DYM: variants seen among roughly 807,000 people sequenced by gnomAD.
DYM encodes the protein dyggve-Melchior-Clausen syndrome protein.
Under a neutral mutation model 93.1 loss-of-function variants are expected in DYM, and 78 were observed. That is an observed-to-expected ratio of 0.84 (90% CI 0.70 to 1.01). The LOEUF (loss-of-function observed/expected upper bound fraction) is 1.01, where lower values mean the gene tolerates loss of function less well. DYM is among the 50% of genes least tolerant of loss of function. DYM has a pLI of 0.00. For missense variants in DYM, 789 were observed against 845.0 expected (o/e 0.93, Z 0.82); for synonymous variants, 321 against 319.7 (o/e 1.00, Z -0.04).
chr18:49,047,865 G>A (rs971226411), intron 17 of DYM, among the ~76,000 whole-genome samples: 5 of 152,098 alleles, frequency 3.3e-5, no homozygotes, highest in South Asian at 2.1e-4. Context: ...CCACCGACCC[G>A]CGCTCCCCAT....
chr18:49,216,463 T>C (rs907915345), intron 13 of DYM, among the ~76,000 whole-genome samples: 1 of 152,204 alleles, frequency 6.6e-6, no homozygotes, highest in African/African-American at 2.4e-5. Flanking sequence ...AGTGGGTCCC[T>C]GACCCCTGAC....
At chr18:49,140,747 AG>A (rs1568483436) in intron 15 of DYM, among the ~76,000 whole-genome samples, 3 of 152,244 alleles carry the variant, frequency 2.0e-5, no homozygotes, top group Non-Finnish European at 2.9e-5. Flanking sequence ...AAGATGAGAC[AG>A]GCTAAATAGG....
At chr18:49,207,053 T>G (rs1356657434) in intron 14 of DYM, among the ~76,000 whole-genome samples, 2 of 152,216 alleles carry the variant, frequency 1.3e-5, no homozygotes, top group Non-Finnish European at 2.9e-5. Flanking sequence ...AACTTTTGTT[T>G]TTCCCTACTT....
chr18:49,184,239 AT>A (rs35549109), intron 14 of DYM, among the ~76,000 whole-genome samples: 99,453 of 148,044 alleles, frequency 0.67, 33,626 homozygotes, highest in Non-Finnish European at 0.73. Flanking sequence ...AAAAAACAAA[AT>A]TTTTTTTTTT....
chr18:49,279,533 C>A (rs917465357), intron 10 of DYM, among the ~76,000 whole-genome samples: 7 of 152,084 alleles, frequency 4.6e-5, no homozygotes, highest in Admixed American at 4.6e-4. Flanking sequence ...ACAAACACCA[C>A]CCTCCAAAAA....
At chr18:49,072,423 C>T (rs1410986738) in intron 17 of DYM, among the ~76,000 whole-genome samples, 1 of 152,222 alleles carries the variant, frequency 6.6e-6, no homozygotes, top group African/African-American at 2.4e-5. Flanking sequence ...GATTTGATAT[C>T]TATGAAAGTA....
intron 14 of DYM, among the ~76,000 whole-genome samples, chr18:49,187,239 A>C (rs1419568387): frequency 3.9e-5 from 6 of 152,098 alleles, no homozygotes; most frequent in Non-Finnish European, 8.8e-5. Flanking sequence ...ACAGTCTAAG[A>C]AAAGTTACTC....
intron 15 of DYM, among the ~76,000 whole-genome samples, chr18:49,151,969 T>C (rs1054901977): frequency 2.6e-5 from 4 of 152,198 alleles, no homozygotes; most frequent in African/African-American, 9.6e-5. Context: ...ACTTTTTCAC[T>C]AGAATGGAAA....
At chr18:49,238,241 AC>A in intron 13 of DYM, among the ~76,000 whole-genome samples, 1 of 152,254 alleles carries the variant, frequency 6.6e-6, no homozygotes, top group African/African-American at 2.4e-5. Flanking sequence ...GAAGTTTTAA[AC>A]TGCAATTTTC....
intron 8 of DYM, among the ~76,000 whole-genome samples, chr18:49,300,964 C>A (rs914974413): frequency 7.2e-5 from 11 of 152,068 alleles, no homozygotes; most frequent in Non-Finnish European, 1.5e-4. Flanking sequence ...AGAAGAAAGC[C>A]TGAGTTATGG....
intron 8 of DYM, among the ~76,000 whole-genome samples, chr18:49,296,876 AC>A (rs2060599207): frequency 6.6e-6 from 1 of 152,140 alleles, no homozygotes; most frequent in Non-Finnish European, 1.5e-5. Flanking sequence ...CCACTGTCTG[AC>A]TTGGATTATA....
At chr18:49,306,109 C>T (rs577943358) in intron 8 of DYM, among the ~76,000 whole-genome samples, 56 of 152,200 alleles carry the variant, frequency 3.7e-4, no homozygotes, top group African/African-American at 1.3e-3. Context: ...AAGGAAATTA[C>T]CCAAAATGCA....
At chr18:49,123,323 G>A (rs893434020) in intron 15 of DYM, among the ~76,000 whole-genome samples, 2 of 151,982 alleles carry the variant, frequency 1.3e-5, no homozygotes, top group African/African-American at 2.4e-5. Flanking sequence ...TTGGTGCCTC[G>A]GTGCTCCTGC....
chr18:49,052,056 T>G (rs10502896), intron 17 of DYM, among the ~76,000 whole-genome samples: 16,570 of 152,210 alleles, frequency 0.11, 1,240 homozygotes, highest in East Asian at 0.26. Context: ...TCAGAAAGGG[T>G]AATCGCACTC....
intron 8 of DYM, among the ~76,000 whole-genome samples, chr18:49,306,696 C>T (rs1162524803): frequency 2.0e-5 from 3 of 152,132 alleles, no homozygotes; most frequent in East Asian, 1.9e-4. Context: ...TCTAACTTCT[C>T]GATTCATAAG....
At chr18:49,086,419 T>C (rs1727057950) in intron 17 of DYM, among the ~76,000 whole-genome samples, 1 of 152,194 alleles carries the variant, frequency 6.6e-6, no homozygotes, top group South Asian at 2.1e-4. Flanking sequence ...TGGATTAATC[T>C]AGTCACAAGA....
intron 8 of DYM, among the ~76,000 whole-genome samples, chr18:49,292,592 G>GAAAAAAAAAAA (rs72415237): frequency 7.6e-5 from 6 of 78,786 alleles, no homozygotes; most frequent in African/African-American, 1.7e-4. Flanking sequence ...TTTCCTGTTG[G>GAAAAAAAAAAA]AAAAAAAAAA....
intron 6 of DYM, among the ~76,000 whole-genome samples, chr18:49,359,519 G>C (rs2065845470): frequency 6.6e-6 from 1 of 152,050 alleles, no homozygotes. Context: ...TGAACTTCTG[G>C]GAGTTTATTT....
chr18:49,165,414 G>A (rs1466128420), intron 14 of DYM, among the ~76,000 whole-genome samples: 1 of 152,080 alleles, frequency 6.6e-6, no homozygotes, highest in African/African-American at 2.4e-5. Flanking sequence ...ATGGCCTTTA[G>A]TATTTTTTTA....
Sources: gnomAD v4.1 joint callset for allele counts (sites outside exome capture counted in the v4.1 genomes callset) on GRCh38, gnomAD v4.1.1 for gene constraint, MANE v1.5 for transcripts, NCBI Gene and HGNC (gene_info 2026-07-23, HGNC 2026-07-21) for gene names.